ENOX1: variants seen among roughly 807,000 people sequenced by gnomAD.
ENOX1 encodes ecto-NOX disulfide-thiol exchanger 1.
In ENOX1, 42 loss-of-function variants were observed where a neutral mutation model predicts 82.5. The observed-to-expected ratio is 0.51, with a 90% confidence interval of 0.40 to 0.66. The LOEUF is 0.66. Ranked by LOEUF, ENOX1 falls within the 30% of genes least tolerant of loss-of-function variation. The pLI, the probability that ENOX1 is intolerant of heterozygous loss-of-function variation, is 0.00. For missense variants in ENOX1, 608 were observed against 811.6 expected (o/e 0.75, Z 3.05); for synonymous variants, 271 against 282.2 (o/e 0.96, Z 0.40).
intron 2 of ENOX1, among the ~76,000 whole-genome samples, chr13:43,524,272 A>G (rs1321982709): frequency 2.6e-5 from 4 of 152,128 alleles, no homozygotes; most frequent in Non-Finnish European, 5.9e-5. Flanking sequence ...AGCTCCTCTC[A>G]TTAAAAAGCA....
chr13:43,603,659 T>G (rs1594054492), intron 2 of ENOX1, among the ~76,000 whole-genome samples: 1 of 139,070 alleles, frequency 7.2e-6, no homozygotes. Flanking sequence ...GTTCTTGCAA[T>G]AGTTTACTGA....
intron 1 of ENOX1, among the ~76,000 whole-genome samples, chr13:43,736,087 G>A (rs918605983): frequency 3.3e-5 from 5 of 152,078 alleles, no homozygotes; most frequent in Non-Finnish European, 5.9e-5. Flanking sequence ...TGGTTGCAGG[G>A]AACATCGTTT....
intron 12 of ENOX1, among the ~76,000 whole-genome samples, chr13:43,293,398 A>G (rs969238536): frequency 2.0e-5 from 3 of 151,756 alleles, no homozygotes; most frequent in East Asian, 3.9e-4. Flanking sequence ...CACCACCCCC[A>G]CCATAGTCAC....
At chr13:43,228,937 G>T (rs965717868) in intron 15 of ENOX1, among the ~76,000 whole-genome samples, 2 of 152,222 alleles carry the variant, frequency 1.3e-5, no homozygotes, top group African/African-American at 4.8e-5. Flanking sequence ...TACACAAAGC[G>T]ATTGATGTGG....
chr13:43,657,543 C>G (rs1373179034), intron 2 of ENOX1, among the ~76,000 whole-genome samples: 1 of 152,182 alleles, frequency 6.6e-6, no homozygotes, highest in African/African-American at 2.4e-5. Flanking sequence ...CCATGGACAC[C>G]CATGTCAACA....
intron 2 of ENOX1, among the ~76,000 whole-genome samples, chr13:43,555,479 A>G (rs9594971): frequency 0.17 from 26,132 of 152,198 alleles, 2,719 homozygotes; most frequent in Non-Finnish European, 0.24. Context: ...GGAAAGGCCA[A>G]AGCATTTACG....
At chr13:43,520,888 C>T (rs1384565686) in intron 2 of ENOX1, among the ~76,000 whole-genome samples, 1 of 152,140 alleles carries the variant, frequency 6.6e-6, no homozygotes, top group African/African-American at 2.4e-5. Flanking sequence ...GGTCACCCAC[C>T]ATATCCAAAC....
At chr13:43,275,685 T>C (rs1203625431) in intron 12 of ENOX1, among the ~76,000 whole-genome samples, 1 of 152,308 alleles carries the variant, frequency 6.6e-6, no homozygotes, top group East Asian at 1.9e-4. Flanking sequence ...CTGCTAATAT[T>C]TATTCATTCA....
rs1229898307 is a variant in ENOX1, at chr13:43,786,338, GC to G, written c.-285+313del. 9.2e-5 allele frequency among the ~76,000 whole-genome samples: 14 copies of G among 152,078 alleles called. No individual in the cohort carries two copies. Among genetic ancestry groups the G allele is most frequent in the Non-Finnish European group, 1.9e-4 (13 of 68,008 alleles). ...GTGACTGGCGCGCGGCGGGCGCGGA[GC>G]CCGGAGCTGACACTGGCTGGCGGGC... On this transcript the variant is annotated intron_variant, in intron 1 of 16. Coordinates refer to ENST00000690772, the MANE Select transcript of ENOX1 (RefSeq NM_001347969.2). This position sits in a 1 kb window ranked among gnomAD's most constrained non-coding sequence, Gnocchi z 6.0.
chr13:43,480,663 A>AACTGATATC (rs1417289422), intron 3 of ENOX1, among the ~76,000 whole-genome samples: 1 of 152,188 alleles, frequency 6.6e-6, no homozygotes, highest in Non-Finnish European at 1.5e-5. Context: ...GAGACATTAC[A>AACTGATATC]ACTGATATCA....
At chr13:43,741,566 T>C (rs2089912882) in intron 1 of ENOX1, among the ~76,000 whole-genome samples, 1 of 152,210 alleles carries the variant, frequency 6.6e-6, no homozygotes, top group South Asian at 2.1e-4. Flanking sequence ...TCTTCAGATC[T>C]TTGCCCATTT....
chr13:43,667,609 C>CAT (rs1347414828), intron 1 of ENOX1, 65 bp from the exon 2 acceptor site: 3 of 492,246 alleles, frequency 6.1e-6, no homozygotes, highest in Middle Eastern at 9.5e-4. Flanking sequence ...GCTGACTGAA[C>CAT]ATATATATGT....
chr13:43,575,515 A>T (rs2153713855), intron 2 of ENOX1, among the ~76,000 whole-genome samples: 1 of 152,324 alleles, frequency 6.6e-6, no homozygotes, highest in East Asian at 1.9e-4. Context: ...GGTAGTGTTC[A>T]GGTCACACCT....
chr13:43,296,693 G>A (rs561895018), intron 12 of ENOX1, among the ~76,000 whole-genome samples: 8 of 152,280 alleles, frequency 5.3e-5, no homozygotes, highest in African/African-American at 1.9e-4. Context: ...CCAGGCACGT[G>A]GCTCCTCAGT....
At chr13:43,341,422 G>C (rs1474189357) in intron 9 of ENOX1, among the ~76,000 whole-genome samples, 3 of 152,088 alleles carry the variant, frequency 2.0e-5, no homozygotes. Flanking sequence ...AGCACACAGA[G>C]TATGGGAAAG....
chr13:43,471,506 T>C (rs878983537), intron 3 of ENOX1, among the ~76,000 whole-genome samples: 16 of 152,178 alleles, frequency 1.1e-4, no homozygotes, highest in Admixed American at 3.3e-4. Context: ...CTAATGTCTA[T>C]AACTTGCTTT....
chr13:43,605,701 T>C (rs2081947445), intron 2 of ENOX1, among the ~76,000 whole-genome samples: 1 of 152,142 alleles, frequency 6.6e-6, no homozygotes, highest in Admixed American at 6.5e-5. Flanking sequence ...ACTGTGAAAC[T>C]ACTACAAGAA....
Position 43,298,388 on chromosome 13 carries a change from C to T in ENOX1, c.1404G>A (p.Gln468=). Residue 468 remains glutamine (Q), a synonymous_variant, in exon 12 of 17, where the codon CAG becomes CAA. Transcript: ENST00000690772. ...TGGTTTGCTGCAGAAACTGCAGTTG[C>T]TGGTCCTTGGTGAGGTTTTCTTCTG... The part of the protein sequence containing the change: ...FRTEENLTKD[Q]QLQFLQQTMQ... 1 of 1,612,594 alleles carries T rather than the reference C, an allele frequency of 6.2e-7. No homozygotes were observed.
chr13:43,364,627 G>A (rs2050732400), intron 5 of ENOX1, among the ~76,000 whole-genome samples: 1 of 152,246 alleles, frequency 6.6e-6, no homozygotes, highest in African/African-American at 2.4e-5. Context: ...CAGAAGGCAG[G>A]TTGGGGCTTT....
Sources: gnomAD v4.1 joint callset for allele counts (sites outside exome capture counted in the v4.1 genomes callset) on GRCh38, gnomAD v4.1.1 for gene constraint, Gnocchi (gnomAD v3.1) non-coding constraint, MANE v1.5 for transcripts, NCBI Gene and HGNC (gene_info 2026-07-23, HGNC 2026-07-21) for gene names.